DST: variants seen among roughly 807,000 people sequenced by gnomAD.
DST encodes bullous pemphigoid antigen.
Under a neutral mutation model 875.2 loss-of-function variants are expected in DST, and 253 were observed. The ratio of observed to expected loss-of-function variants is 0.29; its 90% CI spans 0.26 to 0.32. The LOEUF is 0.32. Among genes scored for constraint, DST ranks in the 10% least tolerant of loss-of-function variants. The probability of loss-of-function intolerance (pLI) is 1.00; values close to 1 mark genes in which losing one functional copy is unlikely to be tolerated. For synonymous variants in DST, 3,124 were observed against 3,197.1 expected (o/e 0.98, Z 0.77); for missense variants, 8,287 against 9,111.6 (o/e 0.91, Z 3.68).
intron 15 of DST, chr6:56,643,043 T>C (rs1231472052): frequency 4.2e-6 from 3 of 707,744 alleles, no homozygotes; most frequent in Non-Finnish European, 4.3e-6. Flanking sequence ...ATTAAAACCC[T>C]ACAAGTATGA....
At chr6:56,726,781 T>A (rs1197866389) in intron 5 of DST, among the ~76,000 whole-genome samples, 1 of 152,192 alleles carries the variant, frequency 6.6e-6, no homozygotes, top group East Asian at 1.9e-4. Flanking sequence ...TATAGTATAC[T>A]AGTGGGAAAA....
chr6:56,563,544 T>C (rs1441158740), intron 55 of DST, among the ~76,000 whole-genome samples: 1 of 152,196 alleles, frequency 6.6e-6, no homozygotes, highest in Non-Finnish European at 1.5e-5. Context: ...GCCTGTTCAC[T>C]CTGATGATAG....
intron 4 of DST, among the ~76,000 whole-genome samples, chr6:56,775,932 AT>A (rs1480305130): frequency 6.6e-6 from 1 of 152,252 alleles, no homozygotes; most frequent in Non-Finnish European, 1.5e-5. Flanking sequence ...GTGAAGCTTA[AT>A]TCCCCATCCC....
At chr6:56,636,212 C>T (rs145073882) in intron 23 of DST, among the ~76,000 whole-genome samples, 33 of 151,136 alleles carry the variant, frequency 2.2e-4, no homozygotes, top group East Asian at 2.1e-3. Context: ...CCAACTCTTT[C>T]GGCCTACAAA....
chr6:56,612,378 T>C (rs1167405653), intron 37 of DST, among the ~76,000 whole-genome samples: 1 of 152,068 alleles, frequency 6.6e-6, no homozygotes, highest in Non-Finnish European at 1.5e-5. Flanking sequence ...AAAAGAAACT[T>C]TTTAACTATT....
chr6:56,612,389 GA>G (rs1055304489), intron 37 of DST, among the ~76,000 whole-genome samples: 1 of 151,838 alleles, frequency 6.6e-6, no homozygotes, highest in Non-Finnish European at 1.5e-5. Flanking sequence ...TTTAACTATT[GA>G]AAAAAAGAAC....
intron 82 of DST, among the ~76,000 whole-genome samples, chr6:56,495,954 G>A (rs949110666): frequency 1.3e-5 from 2 of 152,040 alleles, no homozygotes; most frequent in African/African-American, 2.4e-5. Context: ...CCAAATAAGA[G>A]CAGTTTTATT....
rs766728355 is a variant in DST at position 56,526,512 on chromosome 6, A to C, written c.17978T>G (p.Val5993Gly). ...NKALLDSLNE[V>G]SSALLELVPW... is the part of the protein sequence containing the mutation. The stretch of plus-strand genomic sequence containing the variant: ...TACCAGTTCCAGCAAAGCACTGCTC[A>C]CTTCATTAAGGGAGTCCAGTAAGGC... Residue 5993 changes from valine (V) to glycine (G), a missense_variant, in exon 69 of 104, where the codon GTG (valine) becomes GGG (glycine). By Grantham distance (109) the Val-to-Gly change is moderately radical. Around this residue, in one of 10 missense-constraint regions of DST, gnomAD observed 777 missense variants for 764.8 expected, o/e 1.02. Transcript: ENST00000680361. 6.2e-7 allele frequency: 1 copy of C among 1,613,754 alleles called. No individual in the cohort carries two copies. The highest frequency in any genetic ancestry group is 8.5e-7 in the Non-Finnish European group (1 of 1,179,760).
intron 4 of DST, among the ~76,000 whole-genome samples, chr6:56,780,896 T>C (rs1379387339): frequency 6.6e-6 from 1 of 152,218 alleles, no homozygotes; most frequent in Non-Finnish European, 1.5e-5. Context: ...CTTGAATTAA[T>C]TTTTGTATAA....
At chr6:56,567,152 T>C (rs1017325400) in intron 55 of DST, among the ~76,000 whole-genome samples, 75 of 152,320 alleles carry the variant, frequency 4.9e-4, no homozygotes, top group African/African-American at 1.8e-3. Flanking sequence ...TTCACTTTTA[T>C]TACATAACAA....
intron 4 of DST, among the ~76,000 whole-genome samples, chr6:56,757,324 T>A (rs953321436): frequency 6.6e-6 from 1 of 152,222 alleles, no homozygotes; most frequent in Non-Finnish European, 1.5e-5. Flanking sequence ...GGGGAAAGAA[T>A]GGCTGAAGTT....
intron 5 of DST, among the ~76,000 whole-genome samples, chr6:56,727,033 A>C (rs1364072424): frequency 6.6e-6 from 1 of 152,150 alleles, no homozygotes; most frequent in Non-Finnish European, 1.5e-5. Context: ...CAAAATCACT[A>C]AGCTAAAGGG....
intron 49 of DST, among the ~76,000 whole-genome samples, chr6:56,585,004 T>C (rs1369952874): frequency 1.3e-5 from 2 of 151,604 alleles, no homozygotes; most frequent in African/African-American, 4.8e-5. Context: ...GCCAGTATTT[T>C]ATTGAGGATT....
intron 4 of DST, among the ~76,000 whole-genome samples, chr6:56,805,344 T>C (rs1002398164): frequency 1.3e-4 from 20 of 152,182 alleles, no homozygotes; most frequent in African/African-American, 4.6e-4. Context: ...AAAATTTCCA[T>C]GTTATCTTAA....
At chr6:56,504,756 C>T (rs2096257061) in intron 77 of DST, among the ~76,000 whole-genome samples, 2 of 152,052 alleles carry the variant, frequency 1.3e-5, no homozygotes, top group East Asian at 1.9e-4. Context: ...TGCAGTGGCA[C>T]AATCAAATAG....
At chr6:56,650,664 A>G (rs1242918703) in intron 12 of DST, among the ~76,000 whole-genome samples, 1 of 152,234 alleles carries the variant, frequency 6.6e-6, no homozygotes, top group African/African-American at 2.4e-5. Flanking sequence ...CAGAAAGTTA[A>G]ACCTTTTATT....
chr6:56,557,322 C>T lies in DST; in HGVS notation c.14637G>A (p.Val4879=), dbSNP rs765614214. ...PNMLNTQRQQ[V]QILLQEFATR... ...CAGGTTATTAGGTAATACTCACCTG[C>T]ACCTGCTGCCTTTGTGTGTTTAGCA... Residue 4879 remains valine, a synonymous_variant, in exon 59 of 104, where the codon GTG becomes GTA. Transcript: ENST00000680361. The T allele has an allele frequency of 3.1e-6, 5 of 1,612,386 alleles. No homozygotes were observed. In the African/African-American group the frequency reaches 6.7e-5, roughly 22 times the overall value.
intron 2 of DST, among the ~76,000 whole-genome samples, chr6:56,915,936 C>T (rs1800706263): frequency 1.3e-5 from 2 of 152,216 alleles, no homozygotes; most frequent in African/African-American, 4.8e-5. Context: ...CAATGTAATC[C>T]TAACACCTTC....
At position 56,573,699 on chromosome 6, in the gene DST, C is replaced by G. The variant is rs781334022; in HGVS notation, c.13216G>C (p.Asp4406His). Residue 4406 changes from aspartate (D) to histidine (H), a missense_variant, in exon 51 of 104, where the codon GAT becomes CAT. Physicochemically the swap from Asp to His is moderately conservative, Grantham distance 81 (BLOSUM62 -1). This residue lies in a region of DST where 1,513 missense variants were observed against 1,677.8 expected (regional missense o/e 0.90). Transcript: ENST00000680361. ...CTTACAATGTTTTTACTGATAATATCCTGAAGAGCAGTAGAGTTTAAAGGC... is the reference window on the plus strand; with the variant it reads ...CTTACAATGTTTTTACTGATAATATGCTGAAGAGCAGTAGAGTTTAAAGGC... ...QVPLNSTALQ[D>H]IISKNIMLEQ... 9.3e-6 allele frequency: 15 copies of G among 1,612,768 alleles called. No homozygotes were observed. The highest frequency in any genetic ancestry group is 8.5e-7 in the Non-Finnish European group (1 of 1,179,176).
Sources: allele counts gnomAD v4.1 joint callset (sites outside exome capture counted in the v4.1 genomes callset), GRCh38; gene constraint gnomAD v4.1.1; regional missense constraint gnomAD v4.1.1; transcripts MANE v1.5; gene names NCBI Gene and HGNC (gene_info 2026-07-23, HGNC 2026-07-21).